Variants in CARS1 observed in about 807,000 individuals in gnomAD.
CARS1 encodes the protein cysteinyl-tRNA synthetase 1, also known as cysteine--tRNA ligase, cytoplasmic.
A neutral mutation model predicts 106.2 loss-of-function variants in CARS1; 48 were observed. The ratio of observed to expected loss-of-function variants is 0.45; its 90% CI spans 0.36 to 0.57. The LOEUF is 0.57. CARS1 is among the 20% of genes least tolerant of loss of function. CARS1 has a pLI of 0.00. For missense variants in CARS1, 968 were observed against 1,057.2 expected, an observed-to-expected ratio of 0.92 and a Z score of 1.17; for synonymous variants, 409 against 403.4, an observed-to-expected ratio of 1.01 and a Z score of -0.17.
At position 3,038,134 on chromosome 11, in the gene CARS1, C is replaced by T; in HGVS notation, c.717G>A (p.Gln239=). 1 of 1,614,108 alleles carries T rather than the reference C, an allele frequency of 6.2e-7. No individual in the cohort carries two copies. The highest frequency in any genetic ancestry group is 1.7e-5 in the Admixed American group (1 of 60,030). ...GCTCTGTGGCAAGCTGCACTGCGTG[C>T]TGAATCCGTTCGAGCATCTGCTTTT... ...PDKKQMLERI[Q]HAVQLATEPL... is the part of the protein sequence containing the mutation. The change falls in exon 7 of 23, where the codon CAG becomes CAA. Residue 239 remains glutamine (Q), a synonymous_variant. Coordinates refer to ENST00000380525, the MANE Select transcript of CARS1 (RefSeq NM_001014437.3). The surrounding 1 kb of genome is among the most constrained non-coding windows in gnomAD (Gnocchi z 4.0).
chr11:3,017,305 A>G lies in CARS1; in HGVS notation c.1728-10T>C, dbSNP rs1243701524. 3 of 1,609,556 alleles carry G rather than the reference A, an allele frequency of 1.9e-6. No individual in the cohort carries two copies. Among genetic ancestry groups the G allele is most frequent in the Admixed American group, 3.3e-5 (2 of 59,892 alleles). On this transcript the variant is annotated splice_polypyrimidine_tract_variant and intron_variant, in intron 15 of 22. Transcript: ENST00000380525. This position sits in a 1 kb window ranked among gnomAD's most constrained non-coding sequence, Gnocchi z 4.9. ...CTTCTTGTCATAAAAGCTGAGCAAC[A>G]AAGAGGAAGGAATGTGAAGTCAGAC...
At position 3,048,885 on chromosome 11, in the gene CARS1, G is replaced by A. The variant is rs1227353654; in HGVS notation, c.26-884C>T. Among the ~76,000 whole-genome samples, 9 of 152,174 alleles carry A rather than the reference G, an allele frequency of 5.9e-5. No homozygotes were observed. Among genetic ancestry groups the A allele is most frequent in the East Asian group, 1.9e-4 (1 of 5,192 alleles). The stretch of plus-strand genomic sequence containing the variant: ...CCTTAGAGCCTTCAAAGCAGTAAGC[G>A]TGCACCTCCACCACTCAGGTGTGTC... On this transcript the variant is annotated intron_variant, in intron 1 of 22. Coordinates refer to ENST00000380525, the MANE Select transcript of CARS1 (RefSeq NM_001014437.3). This position sits in a 1 kb window ranked among gnomAD's most constrained non-coding sequence, Gnocchi z 5.1.
chr11:3,036,611 C>T (rs181233319), intron 7 of CARS1, among the ~76,000 whole-genome samples: 10 of 152,292 alleles, frequency 6.6e-5, no homozygotes, highest in Admixed American at 2.0e-4. Context: ...AGAAACAATA[C>T]GGTGGTTACG....
rs771724794 is a variant in CARS1, at chr11:3,020,375, C to G, written c.1154-43G>C. ...GCCAGGCAAGGTCACTCAGCAGCAC[C>G]CACAGACCCACATGTCTCACTTCAA... On this transcript the variant is annotated intron_variant, in intron 10 of 22. Transcript: ENST00000380525. This position sits in a 1 kb window ranked among gnomAD's most constrained non-coding sequence, Gnocchi z 4.6. 3 of 1,173,542 alleles carry G rather than the reference C, an allele frequency of 2.6e-6. No individual in the cohort carries two copies. Among genetic ancestry groups the G allele is most frequent in the Non-Finnish European group, 3.8e-6 (3 of 780,114 alleles). 72.7% of individuals were successfully genotyped at this position (1,173,542 alleles called of 1,614,324 possible).
At chr11:3,015,691 AG>A in intron 17 of CARS1, 89 bp downstream of exon 17, 1 of 1,142,272 alleles carries the variant, frequency 8.8e-7, no homozygotes, top group South Asian at 1.2e-5. Flanking sequence ...GTGGGTGGGC[AG>A]ACAGAGGAGG....
chr11:3,017,477 C>T lies in CARS1; in HGVS notation c.1728-182G>A, dbSNP rs1302047075. The T allele has an allele frequency of 1.7e-6, 1 of 591,246 alleles. No individual in the cohort carries two copies. Among genetic ancestry groups the T allele is most frequent in the Middle Eastern group, 3.6e-4 (1 of 2,748 alleles). 36.6% of individuals were successfully genotyped at this position (591,246 alleles called of 1,614,324 possible). ...GACAAACATGGAGAGACCCCCACCT[C>T]TACTAAAAATCTGAAATTAGCCAGG... is the stretch of plus-strand genomic sequence containing the variant. On this transcript the variant is annotated intron_variant, in intron 15 of 22. Transcript: ENST00000380525. This position sits in a 1 kb window ranked among gnomAD's most constrained non-coding sequence, Gnocchi z 4.9.
chr11:3,042,011 T>C (rs917780451), intron 3 of CARS1, among the ~76,000 whole-genome samples, 154 bp downstream of exon 3: 2 of 151,960 alleles, frequency 1.3e-5, no homozygotes, highest in Non-Finnish European at 2.9e-5. Context: ...GACTATAACA[T>C]GGAAGTGACT....
In CARS1 at chr11:3,003,634, C is replaced by A. The variant is rs12146489; in HGVS notation, c.2218-1034G>T. ...AGGATGGGGCTGGGGCCAACAGGATCGAGCTCTTTCGAGATAGATGGAGGG... is the reference window on the plus strand; with the variant it reads ...AGGATGGGGCTGGGGCCAACAGGATAGAGCTCTTTCGAGATAGATGGAGGG... On this transcript the variant is annotated intron_variant, in intron 20 of 22. Transcript: ENST00000380525. This position sits in a 1 kb window ranked among gnomAD's most constrained non-coding sequence, Gnocchi z 4.8. Among the ~76,000 whole-genome samples, 1 of 152,038 alleles carries A rather than the reference C, an allele frequency of 6.6e-6. No homozygotes were observed. The highest frequency in any genetic ancestry group is 1.5e-5 in the Non-Finnish European group (1 of 68,002).
chr11:3,040,078 A>G lies in CARS1; in HGVS notation c.456-147T>C. ...AGCAAGACCCCCCCTTCTCCTCCTC[A>G]GTCTACTCAACGTGAAGATGGCAAG... On this transcript the variant is annotated intron_variant, in intron 4 of 22. Transcript: ENST00000380525. The surrounding 1 kb of genome is among the most constrained non-coding windows in gnomAD (Gnocchi z 5.8). 1.8e-6 allele frequency: 1 copy of G among 554,018 alleles called. No homozygotes were observed. The highest frequency in any genetic ancestry group is 3.2e-5 in the East Asian group (1 of 31,420). The allele number at this position is 554,018 out of a possible 1,614,324, so 34.3% of individuals were successfully genotyped here. A position where few individuals can be genotyped will look rare whatever the true frequency, so the allele number is the denominator to read the frequency against.
In CARS1 at chr11:3,022,429, A is replaced by G. The variant is rs1034301461; in HGVS notation, c.1154-2097T>C. ...AGAGCAATTAAAAACCCCTCCCCAA[A>G]TCTCAGGGAGGCGGATCTGAGGTTT... On this transcript the variant is annotated intron_variant, in intron 10 of 22. Coordinates refer to ENST00000380525, the MANE Select transcript of CARS1 (RefSeq NM_001014437.3). This position sits in a 1 kb window ranked among gnomAD's most constrained non-coding sequence, Gnocchi z 4.9. Among the ~76,000 whole-genome samples, 1 of 151,806 alleles carries G rather than the reference A, an allele frequency of 6.6e-6. No homozygotes were observed. The highest frequency in any genetic ancestry group is 1.5e-5 in the Non-Finnish European group (1 of 67,920).
At chr11:3,005,691 G>A (rs1335585356) in intron 19 of CARS1, among the ~76,000 whole-genome samples, 1 of 148,466 alleles carries the variant, frequency 6.7e-6, no homozygotes, top group East Asian at 2.0e-4. Flanking sequence ...GGAGTGCAGT[G>A]GCACGATCTC....
chr11:3,021,579 T>A lies in CARS1; in HGVS notation c.1154-1247A>T, dbSNP rs375099735. On this transcript the variant is annotated intron_variant, in intron 10 of 22. Transcript: ENST00000380525. The surrounding 1 kb of genome is among the most constrained non-coding windows in gnomAD (Gnocchi z 5.3). ...TATATTTTTCTAAACACCAAGTTCA[T>A]GATTATAAAATATGTACTAAATGTA... Among the ~76,000 whole-genome samples the A allele has an allele frequency of 6.6e-6, 1 of 152,122 alleles. No homozygotes were observed. The highest frequency in any genetic ancestry group is 1.5e-5 in the Non-Finnish European group (1 of 68,032).
rs762503797 is a variant in CARS1 at position 3,042,211 on chromosome 11, G to C, written c.320C>G (p.Thr107Ser). The change falls in exon 3 of 23, where the codon ACC (threonine) becomes AGC (serine). Residue 107 changes from threonine (T) to serine (S), a missense_variant. By Grantham distance (58) the Thr-to-Ser change is moderately conservative (BLOSUM62 1). Transcript: ENST00000380525. ...GTAAAGGTGGAGTCTGCATGGCTGG[G>C]TCCCAGCAGGAGGGGACCACTGGGG... is the stretch of plus-strand genomic sequence containing the variant. ...VQPQWSPPAG[T>S]QPCRLHLYNS... The C allele has an allele frequency of 1.2e-6, 2 of 1,613,778 alleles. No individual in the cohort carries two copies. The highest frequency in any genetic ancestry group is 1.1e-5 in the South Asian group (1 of 91,076).
chr11:3,029,450 A>C lies in CARS1; in HGVS notation c.802-7T>G. On this transcript the variant is annotated splice_polypyrimidine_tract_variant and splice_region_variant and intron_variant, in intron 7 of 22. Coordinates refer to ENST00000380525, the MANE Select transcript of CARS1 (RefSeq NM_001014437.3). The surrounding 1 kb of genome is among the most constrained non-coding windows in gnomAD (Gnocchi z 5.9). ...TGGCTTCTTCCAGCAACACCTGAAG[A>C]GAAAGAAACAAAAATCCAGCAGCGG... 6.2e-7 allele frequency: 1 copy of C among 1,613,108 alleles called. No homozygotes were observed. The highest frequency in any genetic ancestry group is 2.2e-5 in the East Asian group (1 of 44,878).
intron 19 of CARS1, among the ~76,000 whole-genome samples, chr11:3,005,832 G>C (rs191881097): frequency 1.9e-4 from 29 of 152,060 alleles, no homozygotes; most frequent in Middle Eastern, 3.4e-3. Flanking sequence ...GGCTGGTCTC[G>C]AACTCCTGAG....
rs1229141177 is a variant in CARS1, at chr11:3,029,419, A to C, written c.826T>G (p.Leu276Val). 6.2e-7 allele frequency: 1 copy of C among 1,613,924 alleles called. No homozygotes were observed. Among genetic ancestry groups the C allele is most frequent in the Non-Finnish European group, 8.5e-7 (1 of 1,180,036 alleles). ...GTAGAATCCAGCCAGTCAGAGAGCA[A>C]ATCCTTGGCTTCTTCCAGCAACACC... is the stretch of plus-strand genomic sequence containing the variant. ...VEVLLEEAKD[L>V]LSDWLDSTLG... Residue 276 changes from leucine to valine, a missense_variant, in exon 8 of 23, where the codon TTG (leucine) becomes GTG (valine). Coordinates refer to ENST00000380525, the MANE Select transcript of CARS1 (RefSeq NM_001014437.3). This position sits in a 1 kb window ranked among gnomAD's most constrained non-coding sequence, Gnocchi z 5.9.
chr11:3,020,129 C>A lies in CARS1; in HGVS notation c.1266+91G>T, dbSNP rs1016306209. The A allele has an allele frequency of 3.7e-6, 3 of 813,046 alleles. No individual in the cohort carries two copies. The highest frequency in any genetic ancestry group is 6.4e-6 in the Non-Finnish European group (3 of 465,240). 50.4% of individuals were successfully genotyped at this position (813,046 alleles called of 1,614,324 possible). A position where few individuals can be genotyped will look rare whatever the true frequency, so the allele number is the denominator to read the frequency against. On this transcript the variant is annotated intron_variant, in intron 11 of 22. Coordinates refer to ENST00000380525, the MANE Select transcript of CARS1 (RefSeq NM_001014437.3). The surrounding 1 kb of genome is among the most constrained non-coding windows in gnomAD (Gnocchi z 4.6). ...TCTGGCCCAGTGACAACATCCTTCACACACAGAGCGGCCCTCTGCTGGGGG... is the reference window on the plus strand; with the variant it reads ...TCTGGCCCAGTGACAACATCCTTCAAACACAGAGCGGCCCTCTGCTGGGGG...
At position 3,002,427 on chromosome 11, in the gene CARS1, T is replaced by TG. The variant is rs1235958205; in HGVS notation, c.2277+113dup. Reference sequence around the variant, plus strand: ...GAGGCAGAAAGCGGAGCTCCTTCTGTGAGGGTCTGCAGGGGCCTGGCTAAG... The same window carrying TG: ...GAGGCAGAAAGCGGAGCTCCTTCTGTGGAGGGTCTGCAGGGGCCTGGCTAAG... On this transcript the variant is annotated intron_variant, in intron 21 of 22. Coordinates refer to ENST00000380525, the MANE Select transcript of CARS1 (RefSeq NM_001014437.3). The TG allele has an allele frequency of 2.6e-6, 4 of 1,538,772 alleles. No individual in the cohort carries two copies. The African/African-American group carries it at 4.1e-5, about 16-fold the overall frequency.
rs753614510 is a variant in CARS1 at position 3,018,758 on chromosome 11, A to C, written c.1396-9T>G. The C allele has an allele frequency of 1.2e-6, 2 of 1,612,356 alleles. No individual in the cohort carries two copies. The highest frequency in any genetic ancestry group is 4.5e-5 in the East Asian group (2 of 44,852). ...TCGTTTTCAAAGTAGGCCTGCGTGGAAAGAGACAAAGGATGTCAACAGTCA... is the reference window on the plus strand; with the variant it reads ...TCGTTTTCAAAGTAGGCCTGCGTGGCAAGAGACAAAGGATGTCAACAGTCA... On this transcript the variant is annotated splice_polypyrimidine_tract_variant and intron_variant, in intron 12 of 22. Transcript: ENST00000380525.
Sources: gnomAD v4.1 joint callset for allele counts (sites outside exome capture counted in the v4.1 genomes callset) on GRCh38, gnomAD v4.1.1 for gene constraint, Gnocchi (gnomAD v3.1) non-coding constraint, MANE v1.5 for transcripts, NCBI Gene and HGNC (gene_info 2026-07-23, HGNC 2026-07-21) for gene names.